Variants in POMP observed in about 807,000 individuals in gnomAD.
POMP encodes the protein proteasome maturation protein, also known as 2510048O06Rik.
Under a neutral mutation model 20.6 loss-of-function variants are expected in POMP, and 12 were observed. The observed-to-expected ratio is 0.58, with a 90% confidence interval of 0.37 to 0.94. POMP has a LOEUF of 0.94. POMP is among the 40% of genes least tolerant of loss of function. The pLI is 0.01. For synonymous variants in POMP, 53 were observed against 55.0 expected, an observed-to-expected ratio of 0.96 and a Z score of 0.16; for missense variants, 136 against 161.1, an observed-to-expected ratio of 0.84 and a Z score of 0.84.
At chr13:28,666,476 A>G (rs1306198965) in intron 3 of POMP, among the ~76,000 whole-genome samples, 1 of 152,250 alleles carries the variant, frequency 6.6e-6, no homozygotes, top group Non-Finnish European at 1.5e-5. Context: ...TGAAGAATCT[A>G]AAAACTTCAG....
intron 4 of POMP, among the ~76,000 whole-genome samples, chr13:28,669,132 C>G (rs1884497821): frequency 6.6e-6 from 1 of 152,108 alleles, no homozygotes; most frequent in African/African-American, 2.4e-5. Context: ...GTATCAATTT[C>G]AAATTCCTTT....
At chr13:28,665,213 G>T (rs1282400122) in intron 3 of POMP, among the ~76,000 whole-genome samples, 1 of 152,144 alleles carries the variant, frequency 6.6e-6, no homozygotes, top group Non-Finnish European at 1.5e-5. Flanking sequence ...CAATTTAAAG[G>T]ATTCTTAAAT....
intron 3 of POMP, 74 bp from the exon 4 acceptor site, chr13:28,668,399 T>A: frequency 1.0e-6 from 1 of 1,003,476 alleles, no homozygotes; most frequent in South Asian, 1.3e-5. Flanking sequence ...TATTGTGTTA[T>A]ATATATGCCA....
At chr13:28,662,545 T>A in intron 2 of POMP, 38 bp downstream of exon 2, 1 of 1,491,974 alleles carries the variant, frequency 6.7e-7, no homozygotes, top group Non-Finnish European at 9.4e-7. Flanking sequence ...TTGTTATGTT[T>A]CTGTGAATTT....
rs1352515912 is a variant in POMP at position 28,664,560 on chromosome 13, A to G, written c.153A>G (p.Ser51=). 1.3e-6 allele frequency: 2 copies of G among 1,543,350 alleles called. No individual in the cohort carries two copies. Among genetic ancestry groups the G allele is most frequent in the African/African-American group, 1.4e-5 (1 of 73,296 alleles). ...ELLPSHPLEL[S]EKNFQLNQDK... ...TGCCTAGTCATCCCCTTGAATTATCAGAAAAAAATGTAAGTATATTATTAT... is the reference window on the plus strand; with the variant it reads ...TGCCTAGTCATCCCCTTGAATTATCGGAAAAAAATGTAAGTATATTATTAT... Residue 51 remains serine (S), a synonymous_variant, in exon 3 of 6, where the codon TCA becomes TCG. Coordinates refer to ENST00000380842, the MANE Select transcript of POMP (RefSeq NM_015932.6).
intron 5 of POMP, among the ~76,000 whole-genome samples, chr13:28,675,643 C>T (rs942599706): frequency 1.3e-5 from 2 of 152,166 alleles, no homozygotes; most frequent in Non-Finnish European, 2.9e-5. Context: ...TCAGAGAGTC[C>T]TCCGTTAACT....
In POMP at chr13:28,668,686, C is replaced by A. The variant is rs533205292; in HGVS notation, c.264+112C>A. ...ACCTTACAACCTATTCTACTTCCCT[C>A]CCCCTTTTTAGGGTATGACCTTGAT... On this transcript the variant is annotated intron_variant, in intron 4 of 5. Coordinates refer to ENST00000380842, the MANE Select transcript of POMP (RefSeq NM_015932.6). 5 of 852,224 alleles carry A rather than the reference C, an allele frequency of 5.9e-6. No individual in the cohort carries two copies. In the South Asian group the frequency reaches 7.2e-5, roughly 12 times the overall value. 52.8% of individuals were successfully genotyped at this position (852,224 alleles called of 1,614,324 possible). A position where few individuals can be genotyped will look rare whatever the true frequency, so the allele number is the denominator to read the frequency against.
At chr13:28,672,621 G>A (rs1215932113) in intron 5 of POMP, among the ~76,000 whole-genome samples, 189 bp downstream of exon 5, 1 of 152,164 alleles carries the variant, frequency 6.6e-6, no homozygotes. Flanking sequence ...AAGATTGGCT[G>A]GGTGCGGTGG....
chr13:28,674,592 A>G (rs1884599241), intron 5 of POMP, among the ~76,000 whole-genome samples: 1 of 152,232 alleles, frequency 6.6e-6, no homozygotes, highest in Non-Finnish European at 1.5e-5. Context: ...AGTAGAGAGT[A>G]GAATAAGGTT....
chr13:28,659,225 C>T (rs757936789), intron 1 of POMP, 38 bp downstream of exon 1: 2 of 1,576,634 alleles, frequency 1.3e-6, no homozygotes, highest in African/African-American at 1.4e-5. Flanking sequence ...TCCACGCGGG[C>T]TCGGGACCGT....
At position 28,659,172 on chromosome 13, in the gene POMP, A is replaced by C. The variant is rs936096892; in HGVS notation, c.-13A>C. The C allele has an allele frequency of 1.9e-6, 3 of 1,586,412 alleles. No homozygotes were observed. Among genetic ancestry groups the C allele is most frequent in the Non-Finnish European group, 2.6e-6 (3 of 1,167,458 alleles). ...GTAACGGGGCAGAGAGGCTGTTCGC[A>C]GAGCTGCGGAAGATGGTGAGTGGGT... On this transcript the variant is annotated 5_prime_UTR_variant, in exon 1 of 6. Transcript: ENST00000380842.
intron 1 of POMP, 94 bp from the exon 2 acceptor site, chr13:28,662,316 C>T (rs962183688): frequency 9.1e-6 from 8 of 881,342 alleles, no homozygotes; most frequent in Non-Finnish European, 1.4e-5. Context: ...TCTTATTTTT[C>T]TGTCTCCTAC....
intron 1 of POMP, among the ~76,000 whole-genome samples, chr13:28,661,806 A>G (rs1300794738): frequency 6.6e-6 from 1 of 152,054 alleles, no homozygotes; most frequent in Non-Finnish European, 1.5e-5. Flanking sequence ...CAGCTTCTCT[A>G]CTTTTCTTTA....
At chr13:28,660,481 ATGTTTAGTAGGTTAGG>A (rs1250115175) in intron 1 of POMP, among the ~76,000 whole-genome samples, 4 of 152,212 alleles carry the variant, frequency 2.6e-5, no homozygotes, top group Admixed American at 2.6e-4. Flanking sequence ...CTAAGGCCTG[ATGTTTAGTAGGTTAGG>A]TGTGTTAAAT....
chr13:28,664,758 C>T (rs570503475), intron 3 of POMP, among the ~76,000 whole-genome samples, 189 bp downstream of exon 3: 10 of 152,118 alleles, frequency 6.6e-5, no homozygotes, highest in South Asian at 6.2e-4. Context: ...CCTTTCTATG[C>T]GTTCTTACCT....
At chr13:28,674,537 A>G (rs1044351353) in intron 5 of POMP, among the ~76,000 whole-genome samples, 8 of 152,242 alleles carry the variant, frequency 5.3e-5, no homozygotes, top group African/African-American at 2.4e-5. Context: ...CAGCATATAT[A>G]AGAGCACTTT....
chr13:28,664,377 G>T, intron 2 of POMP, 132 bp from the exon 3 acceptor site: 1 of 616,448 alleles, frequency 1.6e-6, no homozygotes, highest in Non-Finnish European at 2.9e-6. Flanking sequence ...TGTCACCACA[G>T]TCAAGATACA....
At chr13:28,669,095 T>G (rs1227789325) in intron 4 of POMP, among the ~76,000 whole-genome samples, 1 of 152,066 alleles carries the variant, frequency 6.6e-6, no homozygotes, top group Non-Finnish European at 1.5e-5. Context: ...TTTGAACCGC[T>G]GTTGTCTTTT....
intron 2 of POMP, among the ~76,000 whole-genome samples, 193 bp from the exon 3 acceptor site, chr13:28,664,315 CT>C (rs1884400313): frequency 6.6e-6 from 1 of 150,900 alleles, no homozygotes; most frequent in Admixed American, 6.6e-5. Flanking sequence ...TTTTTTTTTC[CT>C]TTTGGTGTGT....
Sources: allele counts gnomAD v4.1 joint callset (sites outside exome capture counted in the v4.1 genomes callset), GRCh38; gene constraint gnomAD v4.1.1; transcripts MANE v1.5; gene names NCBI Gene and HGNC (gene_info 2026-07-23, HGNC 2026-07-21).